RALGAPA1: variants seen among roughly 807,000 people sequenced by gnomAD.
RALGAPA1 encodes the protein ral GTPase-activating protein subunit alpha-1.
A neutral mutation model predicts 269.6 loss-of-function variants in RALGAPA1; 52 were observed. The ratio of observed to expected loss-of-function variants is 0.19; its 90% confidence interval spans 0.15 to 0.24. The LOEUF (loss-of-function observed/expected upper bound fraction) is 0.24, where lower values mean the gene tolerates loss of function less well. Among genes scored for constraint, RALGAPA1 ranks in the 10% least tolerant of loss-of-function variants. RALGAPA1 has a pLI of 1.00. For synonymous variants in RALGAPA1, 817 were observed against 1,008.3 expected (o/e 0.81, Z 3.60); for missense variants, 1,917 against 3,013.9 (o/e 0.64, Z 8.52).
chr14:35,560,006 A>G (rs2056042688), intron 39 of RALGAPA1, among the ~76,000 whole-genome samples: 1 of 152,244 alleles, frequency 6.6e-6, no homozygotes, highest in Non-Finnish European at 1.5e-5. Flanking sequence ...AAAATGCAAT[A>G]CTGGCTATTA....
intron 38 of RALGAPA1, among the ~76,000 whole-genome samples, chr14:35,570,949 A>C (rs1409719243): frequency 6.6e-6 from 1 of 152,238 alleles, no homozygotes; most frequent in Non-Finnish European, 1.5e-5. Flanking sequence ...TAGGGTGTCT[A>C]TTCAAAAGAA....
At chr14:35,642,274 C>T (rs547870615) in intron 31 of RALGAPA1, among the ~76,000 whole-genome samples, 8 of 152,084 alleles carry the variant, frequency 5.3e-5, no homozygotes, top group East Asian at 3.9e-4. Context: ...AGATTCTGCA[C>T]GGCAAAGTAA....
chr14:35,759,005 T>C (rs1016345848), intron 6 of RALGAPA1, among the ~76,000 whole-genome samples: 2 of 152,046 alleles, frequency 1.3e-5, no homozygotes, highest in African/African-American at 4.8e-5. Context: ...TAGTCCCAGC[T>C]ACTGACTTGA....
chr14:35,725,559 T>C (rs990425559), intron 13 of RALGAPA1, among the ~76,000 whole-genome samples: 1 of 152,206 alleles, frequency 6.6e-6, no homozygotes, highest in Non-Finnish European at 1.5e-5. Flanking sequence ...AGAATAACTA[T>C]ATCAAATCAA....
chr14:35,641,397 A>G (rs1162086811), intron 31 of RALGAPA1, among the ~76,000 whole-genome samples: 1 of 152,242 alleles, frequency 6.6e-6, no homozygotes, highest in Non-Finnish European at 1.5e-5. Flanking sequence ...CAAATTCAGT[A>G]AAGCTGCAGG....
chr14:35,783,031 C>T (rs912225684), intron 1 of RALGAPA1, among the ~76,000 whole-genome samples: 2 of 151,736 alleles, frequency 1.3e-5, no homozygotes, highest in African/African-American at 4.8e-5. Flanking sequence ...CACATGTTGC[C>T]CAGGCTGGTC....
At chr14:35,633,661 T>G (rs1775946068) in intron 33 of RALGAPA1, among the ~76,000 whole-genome samples, 1 of 152,148 alleles carries the variant, frequency 6.6e-6, no homozygotes, top group Admixed American at 6.6e-5. Context: ...GCGGTAGCAA[T>G]GGGCCATAAT....
intron 1 of RALGAPA1, among the ~76,000 whole-genome samples, chr14:35,789,634 G>C (rs1318597383): frequency 6.6e-6 from 1 of 152,034 alleles, no homozygotes; most frequent in African/African-American, 2.4e-5. Context: ...AGGTGGAACA[G>C]TTTCATCCCG....
intron 7 of RALGAPA1, among the ~76,000 whole-genome samples, chr14:35,753,242 T>C (rs941114945): frequency 1.1e-4 from 16 of 152,178 alleles, no homozygotes; most frequent in African/African-American, 3.9e-4. Context: ...TAGGACAACC[T>C]GAGCATCAAA....
chr14:35,602,347 T>C (rs1251012568), intron 36 of RALGAPA1, among the ~76,000 whole-genome samples: 1 of 152,172 alleles, frequency 6.6e-6, no homozygotes, highest in Non-Finnish European at 1.5e-5. Context: ...TAGAACTGTT[T>C]GGTCACATGG....
At position 35,572,515 on chromosome 14, in the gene RALGAPA1, T is replaced by C. The variant is rs373459743; in HGVS notation, c.7368+45A>G. The C allele has an allele frequency of 5.0e-5, 76 of 1,513,050 alleles. No homozygotes were observed. In the African/African-American group the frequency reaches 7.5e-4, roughly 15 times the overall value. 93.7% of individuals were successfully genotyped at this position (1,513,050 alleles called of 1,614,324 possible). ...ATGGAAAGAAACCCATGAACCCCTA[T>C]AGAACCAAAATCTATTACTAAAATG... On this transcript the variant is annotated intron_variant, in intron 38 of 41. Coordinates refer to ENST00000680220, the MANE Select transcript of RALGAPA1 (RefSeq NM_001346249.2).
intron 9 of RALGAPA1, among the ~76,000 whole-genome samples, chr14:35,749,970 AG>A (rs1232101355): frequency 6.6e-6 from 1 of 152,156 alleles, no homozygotes; most frequent in African/African-American, 2.4e-5. Flanking sequence ...AAGAAGTATG[AG>A]GGAAAAAAGT....
At chr14:35,801,625 T>C (rs1001688654) in intron 1 of RALGAPA1, among the ~76,000 whole-genome samples, 4 of 152,174 alleles carry the variant, frequency 2.6e-5, no homozygotes, top group East Asian at 1.9e-4. Context: ...TTTATACCTA[T>C]AAATTTGACA....
chr14:35,790,525 T>C (rs1263492867), intron 1 of RALGAPA1, among the ~76,000 whole-genome samples: 6 of 151,578 alleles, frequency 4.0e-5, no homozygotes, highest in Non-Finnish European at 8.8e-5. Flanking sequence ...CCATCTCTAC[T>C]AAAAATACAA....
chr14:35,642,123 G>T lies in RALGAPA1; in HGVS notation c.5677-6525C>A, dbSNP rs143477655. Among the ~76,000 whole-genome samples the T allele has an allele frequency of 3.6e-4, 55 of 152,222 alleles. No individual in the cohort carries two copies. The Middle Eastern group carries it at 0.01, about 28-fold the overall frequency. On this transcript the variant is annotated intron_variant, in intron 31 of 41. Transcript: ENST00000680220. ...AAACGCATTAGAGACTTAAATCTAA[G>T]ACCTCAAATTATGAAACTACTACAA...
At chr14:35,666,921 G>C (rs2063993913) in intron 26 of RALGAPA1, among the ~76,000 whole-genome samples, 1 of 152,092 alleles carries the variant, frequency 6.6e-6, no homozygotes, top group African/African-American at 2.4e-5. Flanking sequence ...TTATATATTG[G>C]AATCTTCTGA....
intron 14 of RALGAPA1, chr14:35,723,875 T>C (rs2069654965): frequency 6.6e-6 from 1 of 152,098 alleles, no homozygotes; most frequent in African/African-American, 2.4e-5. Flanking sequence ...CCCCTGAGAT[T>C]TTGTGGATTT....
At chr14:35,617,230 C>T (rs1229493027) in intron 35 of RALGAPA1, among the ~76,000 whole-genome samples, 1 of 152,086 alleles carries the variant, frequency 6.6e-6, no homozygotes, top group Non-Finnish European at 1.5e-5. Flanking sequence ...ACCTGTAATC[C>T]CAGCACTTTG....
At chr14:35,659,571 C>G (rs1271615704) in intron 27 of RALGAPA1, among the ~76,000 whole-genome samples, 1 of 151,874 alleles carries the variant, frequency 6.6e-6, no homozygotes, top group Admixed American at 6.6e-5. Flanking sequence ...GAATCTTTCT[C>G]AAACATTTCC....
Sources: gnomAD v4.1 joint callset for allele counts (sites outside exome capture counted in the v4.1 genomes callset) on GRCh38, gnomAD v4.1.1 for gene constraint, MANE v1.5 for transcripts, NCBI Gene and HGNC (gene_info 2026-07-23, HGNC 2026-07-21) for gene names.